ZSCAN5A: variants seen among roughly 807,000 people sequenced by gnomAD.
The protein encoded by ZSCAN5A is zinc finger and SCAN domain-containing protein 5A.
Under a neutral mutation model 23.7 loss-of-function variants are expected in ZSCAN5A, and 12 were observed. The observed-to-expected ratio is 0.51, with a 90% CI of 0.32 to 0.82. The LOEUF is 0.82. ZSCAN5A is among the 40% of genes least tolerant of loss of function. The probability of loss-of-function intolerance (pLI) is 0.03; values close to 1 mark genes in which losing one functional copy is unlikely to be tolerated. For synonymous variants in ZSCAN5A, 257 were observed against 239.9 expected (o/e 1.07, Z -0.66); for missense variants, 597 against 617.9 (o/e 0.97, Z 0.36).
intron 2 of ZSCAN5A, among the ~76,000 whole-genome samples, chr19:56,324,803 T>C (rs193269252): frequency 0.01 from 1,597 of 152,346 alleles, 20 homozygotes; most frequent in Admixed American, 0.015. Context: ...CTGGAACAGG[T>C]TGTGTGAGCC....
chr19:56,244,128 C>T (rs1454489681), intron 2 of ZSCAN5A: 23 of 1,587,778 alleles, frequency 1.4e-5, no homozygotes, highest in South Asian at 2.2e-5. Context: ...GTGGCTTCCC[C>T]AGAAACTCAA....
chr19:56,222,671 G>A lies in ZSCAN5A; in HGVS notation c.659C>T (p.Thr220Ile). 7 of 1,614,142 alleles carry A rather than the reference G, an allele frequency of 4.3e-6. No individual in the cohort carries two copies. The highest frequency in any genetic ancestry group is 5.9e-6 in the Non-Finnish European group (7 of 1,180,040). Residue 220 changes from threonine to isoleucine, a missense_variant, in exon 5 of 6, where the codon ACC becomes ATC. Thr to Ile is a moderately conservative substitution (Grantham distance 89). Around this residue, in one of 5 missense-constraint regions of ZSCAN5A, gnomAD observed 406 missense variants for 353.2 expected, o/e 1.15. Transcript: ENST00000683990. Reference protein sequence around the residue: ...GDPKSLRPKQTLEKDLKENRE... With the variant: ...GDPKSLRPKQILEKDLKENRE... Reference sequence around the variant, plus strand: ...GTTTTCCTTCAGATCCTTCTCCAAGGTCTGCTTGGGTCTCAGAGACTTTGG... The same window carrying A: ...GTTTTCCTTCAGATCCTTCTCCAAGATCTGCTTGGGTCTCAGAGACTTTGG...
intron 2 of ZSCAN5A, among the ~76,000 whole-genome samples, chr19:56,240,570 A>T (rs1349541266): frequency 1.3e-5 from 2 of 152,180 alleles, no homozygotes; most frequent in African/African-American, 4.8e-5. Context: ...TGTGGGGTTT[A>T]GGAGCTGGCA....
At chr19:56,289,350 G>A (rs1161148853) in intron 2 of ZSCAN5A, among the ~76,000 whole-genome samples, 1 of 152,216 alleles carries the variant, frequency 6.6e-6, no homozygotes, top group African/African-American at 2.4e-5. Flanking sequence ...CAAAGGAAAA[G>A]TGATAGTCTG....
At chr19:56,238,750 G>C (rs573239286) in intron 2 of ZSCAN5A, among the ~76,000 whole-genome samples, 10 of 152,010 alleles carry the variant, frequency 6.6e-5, no homozygotes, top group South Asian at 4.2e-4. Flanking sequence ...GATAGTCCAT[G>C]TTCATAAATC....
At chr19:56,287,216 T>TC (rs1311034396) in intron 2 of ZSCAN5A, among the ~76,000 whole-genome samples, 1 of 152,232 alleles carries the variant, frequency 6.6e-6, no homozygotes, top group Non-Finnish European at 1.5e-5. Flanking sequence ...AGAACTCTCC[T>TC]CCTTGCCCAT....
chr19:56,298,729 C>T (rs2040042882), intron 2 of ZSCAN5A, among the ~76,000 whole-genome samples: 1 of 151,312 alleles, frequency 6.6e-6, no homozygotes, highest in Admixed American at 6.6e-5. Flanking sequence ...TTACCACACA[C>T]AAAAAAGTCT....
At chr19:56,281,605 G>A (rs1184828456) in intron 2 of ZSCAN5A, 4 of 677,508 alleles carry the variant, frequency 5.9e-6, no homozygotes, top group African/African-American at 5.9e-5. Context: ...AAAATTAACA[G>A]AGATGGATGA....
chr19:56,342,933 G>T, intron 2 of ZSCAN5A: 1 of 1,016,754 alleles, frequency 9.8e-7, no homozygotes, highest in Non-Finnish European at 1.6e-6. Flanking sequence ...GTTCCATATA[G>T]CAGTGCACTT....
At chr19:56,323,660 C>G (rs887915878) in intron 2 of ZSCAN5A, among the ~76,000 whole-genome samples, 1 of 151,888 alleles carries the variant, frequency 6.6e-6, no homozygotes, top group Non-Finnish European at 1.5e-5. Flanking sequence ...CCTCAGCCTC[C>G]CAAGTAGCTG....
intron 2 of ZSCAN5A, among the ~76,000 whole-genome samples, chr19:56,231,795 A>G (rs1462737930): frequency 6.6e-6 from 1 of 152,100 alleles, no homozygotes; most frequent in African/African-American, 2.4e-5. Context: ...GCATGTCCAG[A>G]GTCCAAGTTC....
intron 2 of ZSCAN5A, among the ~76,000 whole-genome samples, chr19:56,266,996 TGTCAAA>T (rs1175143829): frequency 1.3e-5 from 2 of 152,152 alleles, no homozygotes; most frequent in Non-Finnish European, 2.9e-5. Context: ...TCTTTCTGCG[TGTCAAA>T]TTCCTTCTGC....
chr19:56,332,552 CAT>C (rs1190910680), intron 2 of ZSCAN5A, among the ~76,000 whole-genome samples: 1 of 152,216 alleles, frequency 6.6e-6, no homozygotes, highest in Non-Finnish European at 1.5e-5. Context: ...GGTGTTGTCA[CAT>C]GTGAGATGGA....
chr19:56,339,006 G>T (rs1189184173), intron 2 of ZSCAN5A, among the ~76,000 whole-genome samples: 1 of 152,232 alleles, frequency 6.6e-6, no homozygotes, highest in Non-Finnish European at 1.5e-5. Context: ...ATTCTAAATG[G>T]GGAGAAATAC....
intron 2 of ZSCAN5A, among the ~76,000 whole-genome samples, chr19:56,335,594 A>G (rs1211193482): frequency 6.6e-6 from 1 of 152,182 alleles, no homozygotes; most frequent in Non-Finnish European, 1.5e-5. Flanking sequence ...ATTTAAGATT[A>G]ATATTGTTAT....
chr19:56,235,392 T>C (rs1224586801), intron 2 of ZSCAN5A, among the ~76,000 whole-genome samples: 1 of 22,416 alleles, frequency 4.5e-5, no homozygotes, highest in East Asian at 1.6e-3. Context: ...GGGCCAAGTC[T>C]CCACTCCAGC....
chr19:56,243,781 G>A (rs74758634), intron 2 of ZSCAN5A, among the ~76,000 whole-genome samples: 2,632 of 152,242 alleles, frequency 0.017, 81 homozygotes, highest in African/African-American at 0.06. Context: ...GACAGCGGAA[G>A]AGTAACAGGG....
chr19:56,237,531 T>G (rs547632801), intron 2 of ZSCAN5A, among the ~76,000 whole-genome samples: 39 of 152,222 alleles, frequency 2.6e-4, no homozygotes, highest in African/African-American at 9.1e-4. Flanking sequence ...TTAAATGCAT[T>G]TTTTATCTTC....
intron 1 of ZSCAN5A, 124 bp downstream of exon 1, chr19:56,314,557 G>C (rs926285036): frequency 5.3e-5 from 8 of 152,246 alleles, no homozygotes; most frequent in African/African-American, 1.7e-4. Context: ...GTCCTCCCAC[G>C]AATCTCCCCC....
Sources: gnomAD v4.1 joint callset for allele counts (sites outside exome capture counted in the v4.1 genomes callset) on GRCh38, gnomAD v4.1.1 for gene constraint, gnomAD v4.1.1 regional missense constraint, MANE v1.5 for transcripts, NCBI Gene and HGNC (gene_info 2026-07-23, HGNC 2026-07-21) for gene names.